The following MPHOSPH9 variants were observed in gnomAD, a reference collection of about 807,000 sequenced individuals.
MPHOSPH9 encodes the protein M-phase phosphoprotein 9.
Under a neutral mutation model 145.5 loss-of-function variants are expected in MPHOSPH9, and 88 were observed. The observed-to-expected ratio is 0.60, with a 90% CI of 0.51 to 0.72. MPHOSPH9 has a LOEUF of 0.72. Among genes scored for constraint, MPHOSPH9 ranks in the 30% least tolerant of loss-of-function variants. The pLI is 0.00. For missense variants in MPHOSPH9, 1,238 were observed against 1,386.6 expected (o/e 0.89, Z 1.70); for synonymous variants, 435 against 486.2 (o/e 0.89, Z 1.39).
rs1410489861 is a variant in MPHOSPH9 at position 123,223,037 on chromosome 12, C to G, written c.348+1G>C. ...AGGAATCAATGTAAATGGTAACTTA[C>G]TTGAATTTGGTTGTGGAACTGCTCC... On this transcript the variant is annotated splice_donor_variant, in intron 4 of 23. Transcript: ENST00000606320. LOFTEE classifies it high-confidence loss of function. 1 of 1,512,060 alleles carries G rather than the reference C, an allele frequency of 6.6e-7. No homozygotes were observed. The highest frequency in any genetic ancestry group is 8.8e-7 in the Non-Finnish European group (1 of 1,134,376). The allele number at this position is 1,512,060 out of a possible 1,614,324, so 93.7% of individuals were successfully genotyped here.
chr12:123,226,393 C>T (rs997370205), intron 3 of MPHOSPH9: 23 of 913,072 alleles, frequency 2.5e-5, no homozygotes, highest in Non-Finnish European at 3.1e-5. Flanking sequence ...GTACAATTAA[C>T]GTTTAAAACA....
intron 20 of MPHOSPH9, chr12:123,162,704 T>C (rs1296731664): frequency 1.2e-5 from 3 of 251,668 alleles, no homozygotes; most frequent in Admixed American, 5.6e-5. Flanking sequence ...CCTGTACAAA[T>C]GGCCCAAAAG....
At chr12:123,168,305 A>G (rs910109840) in intron 16 of MPHOSPH9, among the ~76,000 whole-genome samples, 2 of 146,100 alleles carry the variant, frequency 1.4e-5, no homozygotes, top group Non-Finnish European at 3.0e-5. Flanking sequence ...TCAAGCGGAC[A>G]CCCCAAACCG....
At chr12:123,183,799 C>T (rs1303090103) in intron 13 of MPHOSPH9, among the ~76,000 whole-genome samples, 2 of 152,044 alleles carry the variant, frequency 1.3e-5, no homozygotes, top group Admixed American at 6.6e-5. Context: ...CAGCAGTAGA[C>T]TGTTCAGCCA....
At chr12:123,233,281 T>TGAC (rs1447389237), upstream of MPHOSPH9, 1 of 151,238 alleles carries the variant, frequency 6.6e-6, no homozygotes, top group East Asian at 1.9e-4. Context: ...CCCGGGGGAG[T>TGAC]GACAAGGGGG....
Position 123,233,068 on chromosome 12 carries a change from C to G in MPHOSPH9, c.-159+7G>C, listed in dbSNP as rs1344928634. On this transcript the variant is annotated splice_region_variant and intron_variant, in intron 1 of 23. Transcript: ENST00000606320. ...CTACAGCTCCCTGCAGGCTGGTGGC[C>G]GCTTACCTGGCCGCCGCTCCCGCTG... is the stretch of plus-strand genomic sequence containing the variant. The G allele has an allele frequency of 6.6e-6, 1 of 152,274 alleles. No individual in the cohort carries two copies. Among genetic ancestry groups the G allele is most frequent in the Non-Finnish European group, 1.5e-5 (1 of 68,090 alleles). 9.4% of individuals were successfully genotyped at this position (152,274 alleles called of 1,614,324 possible). A position where few individuals can be genotyped will look rare whatever the true frequency, so the allele number is the denominator to read the frequency against.
chr12:123,218,443 T>A lies in MPHOSPH9; in HGVS notation c.929A>T (p.His310Leu). 1 of 1,614,090 alleles carries A rather than the reference T, an allele frequency of 6.2e-7. No individual in the cohort carries two copies. Among genetic ancestry groups the A allele is most frequent in the Non-Finnish European group, 8.5e-7 (1 of 1,179,942 alleles). Reference sequence around the variant, plus strand: ...AGATCTTGAACCTCCATCTTCTACATGTGCTCTCTTTGGTTGGTTCTGCTT... The same window carrying A: ...AGATCTTGAACCTCCATCTTCTACAAGTGCTCTCTTTGGTTGGTTCTGCTT... ...KLKQNQPKRA[H>L]VEDGGSRSKQ... is the part of the protein sequence containing the mutation. The change falls in exon 6 of 24, where the codon CAT (histidine) becomes CTT (leucine). Residue 310 changes from histidine to leucine, a missense_variant. Physicochemically the swap from His to Leu is moderately conservative, Grantham distance 99. Around this residue, in one of 3 missense-constraint regions of MPHOSPH9, gnomAD observed 837 missense variants for 897.5 expected, o/e 0.93. Transcript: ENST00000606320.
At chr12:123,191,622 T>C (rs1422101772) in intron 13 of MPHOSPH9, among the ~76,000 whole-genome samples, 1 of 152,080 alleles carries the variant, frequency 6.6e-6, no homozygotes, top group Non-Finnish European at 1.5e-5. Flanking sequence ...CTGAATACCA[T>C]TTTCCATGAA....
At position 123,239,855 on chromosome 12, in the gene MPHOSPH9, A is replaced by T. The variant is rs182966634; in HGVS notation, c.-159+3998T>A. On this transcript the variant is annotated intron_variant, in intron 1 of 2. Transcript: ENST00000545406. ...GCTAGCTCAAATCAGTATTTGTTTA[A>T]TTCTTTTCTTGGGACGATTTCCTTG... 1.0e-3 allele frequency among the ~76,000 whole-genome samples: 158 copies of T among 152,072 alleles called. 4 individuals are homozygous for T. In the East Asian group the frequency reaches 0.03, roughly 29 times the overall value.
At chr12:123,217,082 C>T (rs2138541380) in intron 6 of MPHOSPH9, among the ~76,000 whole-genome samples, 1 of 151,940 alleles carries the variant, frequency 6.6e-6, no homozygotes, top group Admixed American at 6.6e-5. Flanking sequence ...TTTAAAAAAC[C>T]TTACTCAATA....
intron 8 of MPHOSPH9, among the ~76,000 whole-genome samples, chr12:123,207,307 A>G (rs1433561158): frequency 6.6e-6 from 1 of 152,086 alleles, no homozygotes. Context: ...GAGCCCTGCA[A>G]TTGCAAAGCC....
At chr12:123,204,603 G>A (rs1191396237) in intron 8 of MPHOSPH9, among the ~76,000 whole-genome samples, 3 of 152,158 alleles carry the variant, frequency 2.0e-5, no homozygotes, top group African/African-American at 7.2e-5. Context: ...GGCTGGACAC[G>A]GTGGCTTACA....
At chr12:123,209,917 T>C (rs1299652525) in intron 8 of MPHOSPH9, 139 bp downstream of exon 8, 2 of 452,552 alleles carry the variant, frequency 4.4e-6, no homozygotes, top group Non-Finnish European at 7.7e-6. Context: ...TTTGTATTTT[T>C]AGTAGAGACG....
chr12:123,197,511 C>T (rs548919085), intron 12 of MPHOSPH9, among the ~76,000 whole-genome samples: 4 of 152,104 alleles, frequency 2.6e-5, no homozygotes, highest in East Asian at 2.0e-4. Flanking sequence ...AGGCCAGGTG[C>T]GGTGGCTCAC....
At chr12:123,164,190 A>G (rs1264529565) in intron 18 of MPHOSPH9, 100 bp from the exon 19 acceptor site, 2 of 1,343,374 alleles carry the variant, frequency 1.5e-6, no homozygotes, top group East Asian at 4.6e-5. Context: ...ATGGTTACAC[A>G]CCAAGCCCCA....
intron 16 of MPHOSPH9, among the ~76,000 whole-genome samples, chr12:123,167,423 G>C (rs897528037): frequency 6.6e-6 from 1 of 152,204 alleles, no homozygotes; most frequent in African/African-American, 2.4e-5. Flanking sequence ...CAGAACGACA[G>C]TATTCCAGAT....
chr12:123,166,387 T>G, intron 17 of MPHOSPH9: 2 of 420,832 alleles, frequency 4.8e-6, no homozygotes, highest in South Asian at 2.7e-5. Context: ...ATTACAGGCG[T>G]GAGCCACCAC....
At position 123,164,025 on chromosome 12, in the gene MPHOSPH9, TCTGTTGGGCACA is replaced by T. The variant is rs2044213294; in HGVS notation, c.2821_2832del (p.Cys941_Gln944del). The T allele has an allele frequency of 1.9e-6, 3 of 1,614,062 alleles. No homozygotes were observed. In the Admixed American group the frequency reaches 5.0e-5, roughly 27 times the overall value. The stretch of plus-strand genomic sequence containing the variant: ...GAGGCCGAATTAAGTCTCTTTTGTC[TCTGTTGGGCACA>T]CTTTTCTGGAGAACGACTTGCATTA... On this transcript the variant is annotated inframe_deletion, in exon 19 of 24. Transcript: ENST00000606320.
At chr12:123,192,542 C>G (rs572106750) in intron 13 of MPHOSPH9, among the ~76,000 whole-genome samples, 1 of 135,362 alleles carries the variant, frequency 7.4e-6, no homozygotes, top group South Asian at 2.4e-4. Context: ...GTGGAAGAAT[C>G]ACCTGAGCCC....
Sources: gnomAD v4.1 joint callset for allele counts (sites outside exome capture counted in the v4.1 genomes callset) on GRCh38, gnomAD v4.1.1 for gene constraint, gnomAD v4.1.1 regional missense constraint, MANE v1.5 for transcripts, NCBI Gene and HGNC (gene_info 2026-07-23, HGNC 2026-07-21) for gene names.